PJA2: variants seen among roughly 807,000 people sequenced by gnomAD.
PJA2 encodes E3 ubiquitin-protein ligase Praja-2.
In PJA2, 25 loss-of-function variants were observed where a neutral mutation model predicts 69.3. That is an observed-to-expected ratio of 0.36 (90% confidence interval 0.26 to 0.50). The LOEUF is 0.50. PJA2 is among the 20% of genes least tolerant of loss of function. The pLI is 0.96. For missense variants in PJA2, 809 were observed against 830.2 expected, an observed-to-expected ratio of 0.97 and a Z score of 0.31; for synonymous variants, 308 against 277.8, an observed-to-expected ratio of 1.11 and a Z score of -1.08.
At chr5:109,392,231 T>A (rs1747297900) in intron 1 of PJA2, among the ~76,000 whole-genome samples, 1 of 152,046 alleles carries the variant, frequency 6.6e-6, no homozygotes, top group Admixed American at 6.6e-5. Context: ...TGTTAGGGAA[T>A]AGGCAGACAA....
chr5:109,359,471 T>A (rs1282536603), intron 6 of PJA2, among the ~76,000 whole-genome samples: 1 of 152,190 alleles, frequency 6.6e-6, no homozygotes, highest in Admixed American at 6.5e-5. Flanking sequence ...AAATTTTATA[T>A]CACCAGTAAT....
At chr5:109,342,525 G>T (rs1437452258) in intron 9 of PJA2, among the ~76,000 whole-genome samples, 5 of 124,624 alleles carry the variant, frequency 4.0e-5, no homozygotes, top group African/African-American at 1.6e-4. Flanking sequence ...AGGGAGGTGG[G>T]GGGGGTCAGC....
intron 5 of PJA2, among the ~76,000 whole-genome samples, chr5:109,366,669 G>C (rs1180635917): frequency 8.6e-6 from 1 of 116,840 alleles, no homozygotes; most frequent in Non-Finnish European, 2.2e-5. Context: ...CTTCATGAAG[G>C]AATGTTATTT....
chr5:109,337,875 A>C (rs1761976091), intron 9 of PJA2, among the ~76,000 whole-genome samples: 1 of 152,128 alleles, frequency 6.6e-6, no homozygotes, highest in African/African-American at 2.4e-5. Context: ...GCCTCATTTT[A>C]GGGTAGCACA....
chr5:109,396,446 A>G (rs1298563757), intron 1 of PJA2, among the ~76,000 whole-genome samples: 825 of 73,174 alleles, frequency 0.011, 4 homozygotes, highest in African/African-American at 0.041. Context: ...TTTTTTTTTG[A>G]GACAGAGTCT....
chr5:109,382,948 A>G (rs1417481450), intron 2 of PJA2, among the ~76,000 whole-genome samples: 1 of 152,226 alleles, frequency 6.6e-6, no homozygotes, highest in Non-Finnish European at 1.5e-5. Flanking sequence ...AAGGAAACAG[A>G]AACAAACATG....
At chr5:109,337,603 C>G (rs1322309015) in intron 9 of PJA2, among the ~76,000 whole-genome samples, 1 of 152,120 alleles carries the variant, frequency 6.6e-6, no homozygotes, top group African/African-American at 2.4e-5. Context: ...GGTCATTCAT[C>G]CTCCTTAATT....
chr5:109,380,913 G>C (rs978362766), intron 3 of PJA2, among the ~76,000 whole-genome samples: 2 of 151,378 alleles, frequency 1.3e-5, no homozygotes, highest in African/African-American at 4.8e-5. Flanking sequence ...TCAGGAGTTT[G>C]AGATCAGCCT....
chr5:109,397,260 T>TTAGGTATTTTGTTA (rs1747435709), intron 1 of PJA2, among the ~76,000 whole-genome samples: 1 of 152,202 alleles, frequency 6.6e-6, no homozygotes, highest in South Asian at 2.1e-4. Context: ...TTACCCAGTC[T>TTAGGTATTTTGTTA]TAGGTATTTT....
chr5:109,395,764 C>T (rs1000204081), intron 1 of PJA2, among the ~76,000 whole-genome samples: 2 of 151,698 alleles, frequency 1.3e-5, no homozygotes, highest in African/African-American at 2.4e-5. Context: ...TTTGGGAGGC[C>T]GAGGCCAGCA....
intron 4 of PJA2, among the ~76,000 whole-genome samples, chr5:109,373,186 C>T (rs1004509029): frequency 2.6e-5 from 4 of 151,994 alleles, no homozygotes; most frequent in Non-Finnish European, 5.9e-5. Context: ...GTATGGAAAA[C>T]TTTTTCTTAA....
chr5:109,392,499 T>G (rs1377510868), intron 1 of PJA2, among the ~76,000 whole-genome samples: 1 of 145,740 alleles, frequency 6.9e-6, no homozygotes, highest in Non-Finnish European at 1.5e-5. Context: ...AGGTGGAGGT[T>G]GCAGTGAGCC....
rs1458562403 is a variant in PJA2 at position 109,336,355 on chromosome 5, T to C, written c.*876A>G. On this transcript the variant is annotated 3_prime_UTR_variant, in exon 10 of 10. Transcript: ENST00000361189. Reference sequence around the variant, plus strand: ...TGACCCTGTGCAAGTTTTCAGACCTTCCAAAATACTGTAGAAGCAAAATTA... The same window carrying C: ...TGACCCTGTGCAAGTTTTCAGACCTCCCAAAATACTGTAGAAGCAAAATTA... 1 of 152,118 alleles carries C rather than the reference T, an allele frequency of 6.6e-6. No homozygotes were observed. Among genetic ancestry groups the C allele is most frequent in the African/African-American group, 2.4e-5 (1 of 41,428 alleles). The allele number at this position is 152,118 out of a possible 1,614,324, so 9.4% of individuals were successfully genotyped here. A position where few individuals can be genotyped will look rare whatever the true frequency, so the allele number is the denominator to read the frequency against.
rs543205824 is a variant in PJA2 at position 109,352,817 on chromosome 5, TATA to T, written c.1764+3095_1764+3097del. ...ATTAGATATGTATATATTAGATATC[TATA>T]ATATCTATAGACATCTATATATTAG... On this transcript the variant is annotated intron_variant, in intron 7 of 9. Transcript: ENST00000361189. 4.6e-3 allele frequency among the ~76,000 whole-genome samples: 700 copies of T among 151,044 alleles called. 12 individuals are homozygous for T. The highest frequency in any genetic ancestry group is 9.0e-3 in the South Asian group (43 of 4,804).
intron 5 of PJA2, among the ~76,000 whole-genome samples, chr5:109,363,994 C>G (rs246102): frequency 0.75 from 113,348 of 152,024 alleles, 42,990 homozygotes; most frequent in African/African-American, 0.84. Flanking sequence ...TCTACTAAAA[C>G]TACAAAAAAT....
Position 109,409,952 on chromosome 5 carries a change from G to T in PJA2, c.-198C>A. ...CCCGCCGAACGCGAAGCGGCTGGCGGCTGTGGCGGCGGCGGCGGCGGTGGC... is the reference window on the plus strand; with the variant it reads ...CCCGCCGAACGCGAAGCGGCTGGCGTCTGTGGCGGCGGCGGCGGCGGTGGC... On this transcript the variant is annotated 5_prime_UTR_variant, in exon 1 of 10. Transcript: ENST00000361189. The T allele has an allele frequency of 9.4e-6, 2 of 213,848 alleles. No individual in the cohort carries two copies. The allele number at this position is 213,848 out of a possible 1,614,324, so 13.2% of individuals were successfully genotyped here.
At position 109,344,795 on chromosome 5, in the gene PJA2, G is replaced by A. The variant is rs956720986; in HGVS notation, c.1789C>T (p.Leu597Phe). 4.3e-6 allele frequency: 7 copies of A among 1,613,894 alleles called. No homozygotes were observed. The highest frequency in any genetic ancestry group is 5.9e-6 in the Non-Finnish European group (7 of 1,179,852). Residue 597 changes from leucine to phenylalanine, a missense_variant, in exon 8 of 10, where the codon CTT (leucine) becomes TTT (phenylalanine). By Grantham distance (22) the Leu-to-Phe change is conservative. Coordinates refer to ENST00000361189, the MANE Select transcript of PJA2 (RefSeq NM_014819.5). ...TTGGCCACCTCAACATCCACTGCAA[G>A]AGACTCTAAATGGGCCAGAGCAGTC... Reference protein sequence around the residue: ...METALAHLESLAVDVEVANPP... With the variant: ...METALAHLESFAVDVEVANPP...
chr5:109,339,348 A>G (rs1418831078), intron 9 of PJA2, among the ~76,000 whole-genome samples: 1 of 152,244 alleles, frequency 6.6e-6, no homozygotes, highest in Admixed American at 6.5e-5. Context: ...AATGTATGTT[A>G]TCCAGGTGAT....
intron 9 of PJA2, among the ~76,000 whole-genome samples, chr5:109,342,182 G>A (rs1391492078): frequency 2.2e-5 from 2 of 92,250 alleles, no homozygotes; most frequent in African/African-American, 4.2e-5. Context: ...CAGCCGCCCC[G>A]TCCGGGAGGG....
Sources: gnomAD v4.1 joint callset for allele counts (sites outside exome capture counted in the v4.1 genomes callset) on GRCh38, gnomAD v4.1.1 for gene constraint, MANE v1.5 for transcripts, NCBI Gene and HGNC (gene_info 2026-07-23, HGNC 2026-07-21) for gene names.